The following DENND1C variants were observed in gnomAD, a reference collection of about 807,000 sequenced individuals.
DENND1C encodes DENN domain-containing protein 1C.
A neutral mutation model predicts 87.9 loss-of-function variants in DENND1C; 64 were observed. That is an observed-to-expected ratio of 0.73 (90% CI 0.60 to 0.90). DENND1C has a LOEUF of 0.90. Ranked by LOEUF, DENND1C falls within the 40% of genes least tolerant of loss-of-function variation. DENND1C has a pLI of 0.00. For missense variants in DENND1C, 980 were observed against 1,037.0 expected (o/e 0.95, Z 0.76); for synonymous variants, 384 against 424.4 (o/e 0.90, Z 1.17).
At position 6,468,579 on chromosome 19, in the gene DENND1C, C is replaced by A. The variant is rs757170786; in HGVS notation, c.1582G>T (p.Gly528Trp). Residue 528 changes from glycine to tryptophan, a missense_variant and splice_region_variant, in exon 21 of 23, where the codon GGG becomes TGG. Gly to Trp is a radical substitution (Grantham distance 184). Coordinates refer to ENST00000381480, the MANE Select transcript of DENND1C (RefSeq NM_024898.4). ...ACTGCTGTTCCCTTTTTGCCTTACC[C>A]CGCCCCTGGGGGCTCGGAAGTTCCC... ...EEGTSEPPGA[G>W]TPPLSPEDEG... 34 of 1,538,234 alleles carry A rather than the reference C, an allele frequency of 2.2e-5. No homozygotes were observed. Among genetic ancestry groups the A allele is most frequent in the Non-Finnish European group, 2.7e-5 (31 of 1,143,548 alleles).
chr19:6,471,241 G>C, intron 17 of DENND1C, 24 bp downstream of exon 17: 1 of 1,572,486 alleles, frequency 6.4e-7, no homozygotes, highest in Non-Finnish European at 8.6e-7. Context: ...CAACGCCCAC[G>C]GCCTATTGTT....
intron 14 of DENND1C, 48 bp from the exon 15 acceptor site, chr19:6,473,041 T>G (rs2092838110): frequency 7.4e-7 from 1 of 1,344,386 alleles, no homozygotes; most frequent in Admixed American, 3.0e-5. Flanking sequence ...CTCCTGGCCC[T>G]CCCTCATTCT....
intron 4 of DENND1C, among the ~76,000 whole-genome samples, chr19:6,479,464 A>G (rs764060740): frequency 6.3e-5 from 9 of 142,446 alleles, no homozygotes; most frequent in African/African-American, 1.2e-4. Flanking sequence ...GAGTCCCTAG[A>G]TCTCTGGGTC....
At chr19:6,471,023 C>T (rs1007008709) in intron 17 of DENND1C, among the ~76,000 whole-genome samples, 3 of 151,954 alleles carry the variant, frequency 2.0e-5, no homozygotes, top group Non-Finnish European at 4.4e-5. Flanking sequence ...GGCATGATCT[C>T]GGCTCACTAC....
rs1000418310 is a variant in DENND1C, at chr19:6,468,643, G to A, written c.1518C>T (p.Asn506=). ...GTCTCCTGCTGGGGCGAAGGGGCCG[G>A]TTCTGCAAAGGGTGGGGGCGATAGG... ...RLPITQHFGK[N]RPLRPSRRRQ... is the part of the protein sequence containing the mutation. The change falls in exon 21 of 23, where the codon AAC becomes AAT. Residue 506 remains asparagine, a splice_region_variant and synonymous_variant. Coordinates refer to ENST00000381480, the MANE Select transcript of DENND1C (RefSeq NM_024898.4). 6.1e-6 allele frequency: 9 copies of A among 1,482,616 alleles called. No homozygotes were observed. The highest frequency in any genetic ancestry group is 1.8e-6 in the Non-Finnish European group (2 of 1,118,622). 91.8% of individuals were successfully genotyped at this position (1,482,616 alleles called of 1,614,324 possible). A position where few individuals can be genotyped will look rare whatever the true frequency, so the allele number is the denominator to read the frequency against.
At chr19:6,480,466 A>G (rs79545054) in intron 1 of DENND1C, 1 of 980,634 alleles carries the variant, frequency 1.0e-6, no homozygotes, top group Non-Finnish European at 1.2e-6. Flanking sequence ...CTCTCTCTCT[A>G]TATATATATC....
rs561129915 is a variant in DENND1C, at chr19:6,477,453, G to C, written c.372C>G (p.Thr124=). ...GATTTTGAAGAAGTTCCTCTGCCTC[G>C]GTGACCTGGGTGGGACGTGGAGGGG... ...VGDLLAQDQV[T]EAEELLQNLF... Residue 124 remains threonine, a synonymous_variant, in exon 7 of 23, where the codon ACC becomes ACG. Coordinates refer to ENST00000381480, the MANE Select transcript of DENND1C (RefSeq NM_024898.4). The C allele has an allele frequency of 3.7e-6, 6 of 1,612,922 alleles. No individual in the cohort carries two copies. Among genetic ancestry groups the C allele is most frequent in the East Asian group, 4.5e-5 (2 of 44,778 alleles).
chr19:6,469,917 A>G (rs555850719), intron 18 of DENND1C: 41 of 503,990 alleles, frequency 8.1e-5, no homozygotes, highest in African/African-American at 7.8e-4. Flanking sequence ...GAAGAACAAA[A>G]TCGCACGGAC....
In DENND1C at chr19:6,477,413, G is replaced by A. The variant is rs767293034; in HGVS notation, c.412C>T (p.Leu138=). The A allele has an allele frequency of 2.5e-6, 4 of 1,613,576 alleles. No individual in the cohort carries two copies. Among genetic ancestry groups the A allele is most frequent in the Admixed American group, 1.7e-5 (1 of 59,996 alleles). The change falls in exon 7 of 23, where the codon CTG becomes TTG. Residue 138 remains leucine (L), a synonymous_variant. Coordinates refer to ENST00000381480, the MANE Select transcript of DENND1C (RefSeq NM_024898.4). ...ELLQNLFQQS[L]SGPQASVGLE... is the part of the protein sequence containing the mutation. ...CCCACTGAGGCCTGGGGCCCAGACA[G>A]GGACTGCTGAAACAGATTTTGAAGA... is the stretch of plus-strand genomic sequence containing the variant.
In DENND1C at chr19:6,468,625, G is replaced by A; in HGVS notation, c.1536C>T (p.Ser512=). ...HFGKNRPLRP[S]RRRQLEEGTS... ...TTCCCTCTTCCAGCTGGCGTCTCCTGCTGGGGCGAAGGGGCCGGTTCTGCA... is the reference window on the plus strand; with the variant it reads ...TTCCCTCTTCCAGCTGGCGTCTCCTACTGGGGCGAAGGGGCCGGTTCTGCA... The change falls in exon 21 of 23, where the codon AGC becomes AGT. Residue 512 remains serine, a synonymous_variant. Coordinates refer to ENST00000381480, the MANE Select transcript of DENND1C (RefSeq NM_024898.4). 1.3e-6 allele frequency: 2 copies of A among 1,497,328 alleles called. No individual in the cohort carries two copies. Among genetic ancestry groups the A allele is most frequent in the East Asian group, 2.4e-5 (1 of 41,788 alleles). The allele number at this position is 1,497,328 out of a possible 1,614,324, so 92.8% of individuals were successfully genotyped here. A position where few individuals can be genotyped will look rare whatever the true frequency, so the allele number is the denominator to read the frequency against.
chr19:6,468,246 G>A lies in DENND1C; in HGVS notation c.1779C>T (p.Ser593=). Residue 593 remains serine (S), a synonymous_variant, in exon 22 of 23, where the codon AGC becomes AGT. Coordinates refer to ENST00000381480, the MANE Select transcript of DENND1C (RefSeq NM_024898.4). ...GCGAGGCTCTCACCAGGCTGAAGCA[G>A]CTGTCCAGGTCTCCTCTGTGACAGC... ...LDCCHRGDLD[S]CFSLPNIPRW... is the part of the protein sequence containing the mutation. 2 of 1,613,422 alleles carry A rather than the reference G, an allele frequency of 1.2e-6. No individual in the cohort carries two copies. The highest frequency in any genetic ancestry group is 1.7e-6 in the Non-Finnish European group (2 of 1,179,626).
chr19:6,471,017 T>C (rs1041631962), intron 17 of DENND1C, among the ~76,000 whole-genome samples: 3 of 151,458 alleles, frequency 2.0e-5, no homozygotes, highest in African/African-American at 7.3e-5. Context: ...TGCAGTGGCA[T>C]GATCTCGGCT....
intron 3 of DENND1C, 48 bp downstream of exon 3, chr19:6,479,811 T>C: frequency 6.2e-7 from 1 of 1,613,604 alleles, no homozygotes; most frequent in Non-Finnish European, 8.5e-7. Context: ...CCCCTCCCCC[T>C]GGGAGACTGG....
In DENND1C at chr19:6,475,967, G is replaced by A. The variant is rs757429989; in HGVS notation, c.679-30C>T. 50 of 1,520,256 alleles carry A rather than the reference G, an allele frequency of 3.3e-5. 1 individual carries two copies. The Admixed American group carries it at 1.1e-3, about 35-fold the overall frequency. The allele number at this position is 1,520,256 out of a possible 1,614,324, so 94.2% of individuals were successfully genotyped here. On this transcript the variant is annotated intron_variant, in intron 10 of 22. Coordinates refer to ENST00000381480, the MANE Select transcript of DENND1C (RefSeq NM_024898.4). ...GGAGCGATGGCGGGGCGTGGAGTCAGGGCCTGGACCCTCTAGCGCGAGGTC... is the reference window on the plus strand; with the variant it reads ...GGAGCGATGGCGGGGCGTGGAGTCAAGGCCTGGACCCTCTAGCGCGAGGTC...
At chr19:6,469,491 C>T (rs965096955) in intron 19 of DENND1C, 105 bp downstream of exon 19, 3 of 1,136,324 alleles carry the variant, frequency 2.6e-6, no homozygotes, top group Admixed American at 2.0e-5. Flanking sequence ...ACTATATTGC[C>T]CAAGCTGGTC....
rs62107586 is a variant in DENND1C, at chr19:6,468,320, T to C, written c.1705A>G (p.Met569Val). Residue 569 changes from methionine to valine, a missense_variant, in exon 22 of 23, where the codon ATG (methionine) becomes GTG (valine). Physicochemically the swap from Met to Val is conservative, Grantham distance 21 (BLOSUM62 1). Transcript: ENST00000381480. The part of the protein sequence containing the change: ...LLSEILDSLS[M>V]GAKSAGSLRP... ...AGGCTGCCTGCGCTCTTGGCTCCCA[T>C]GCTAAGACTGTCCAGAATCTCGCTC... 0.39 allele frequency: 631,262 copies of C among 1,613,166 alleles called. 132,539 individuals are homozygous for C. Among genetic ancestry groups the C allele is most frequent in the Non-Finnish European group, 0.44 (516,977 of 1,179,506 alleles).
chr19:6,479,108 A>T (rs974642094), intron 4 of DENND1C, 52 bp from the exon 5 acceptor site: 9 of 1,607,754 alleles, frequency 5.6e-6, no homozygotes, highest in African/African-American at 2.7e-5. Flanking sequence ...CTGTCTGAGG[A>T]TGTCCCCGCT....
At chr19:6,477,322 G>A (rs45574631) in intron 7 of DENND1C, 39 bp from the exon 8 acceptor site, 34,760 of 1,607,298 alleles carry the variant, frequency 0.022, 465 homozygotes, top group Non-Finnish European at 0.025. Context: ...TGATGGCTGG[G>A]ACGCAGCCTT....
chr19:6,471,476 C>A lies in DENND1C; in HGVS notation c.1179G>T (p.Glu393Asp). The A allele has an allele frequency of 6.4e-7, 1 of 1,570,544 alleles. No homozygotes were observed. The highest frequency in any genetic ancestry group is 8.6e-7 in the Non-Finnish European group (1 of 1,157,580). ...LFKQFIEARL[E>D]KLNKGEGFSD... ...AGAAGCCCTCCCCCTTGTTGAGCTTCTCCAGCCGGGCTTCGATGAACTGGG... is the reference window on the plus strand; with the variant it reads ...AGAAGCCCTCCCCCTTGTTGAGCTTATCCAGCCGGGCTTCGATGAACTGGG... The change falls in exon 16 of 23, where the codon GAG (glutamate) becomes GAT (aspartate). Residue 393 changes from glutamate (E) to aspartate (D), a missense_variant. Transcript: ENST00000381480.
Sources: allele counts gnomAD v4.1 joint callset (sites outside exome capture counted in the v4.1 genomes callset), GRCh38; gene constraint gnomAD v4.1.1; transcripts MANE v1.5; gene names NCBI Gene and HGNC (gene_info 2026-07-23, HGNC 2026-07-21).